Variants in DCC observed in about 807,000 individuals in gnomAD.
DCC encodes DCC netrin 1 receptor.
DCC carries 58 observed loss-of-function variants against 172.5 expected under a neutral mutation model. The ratio of observed to expected loss-of-function variants is 0.34; its 90% CI spans 0.27 to 0.42. The LOEUF (loss-of-function observed/expected upper bound fraction) is 0.42, where lower values mean the gene tolerates loss of function less well. DCC is among the 10% of genes least tolerant of loss of function. The probability of loss-of-function intolerance (pLI) is 1.00; values close to 1 mark genes in which losing one functional copy is unlikely to be tolerated. For missense variants in DCC, 1,740 were observed against 1,791.0 expected (o/e 0.97, Z 0.51); for synonymous variants, 709 against 644.5 (o/e 1.10, Z -1.52).
intron 1 of DCC, among the ~76,000 whole-genome samples, chr18:52,395,880 T>G (rs923463130): frequency 6.6e-6 from 1 of 152,026 alleles, no homozygotes; most frequent in Non-Finnish European, 1.5e-5. Flanking sequence ...GAGCTCAACC[T>G]ATTCCACAAC....
At chr18:52,369,696 G>T (rs1413719179) in intron 1 of DCC, among the ~76,000 whole-genome samples, 1 of 151,860 alleles carries the variant, frequency 6.6e-6, no homozygotes, top group Non-Finnish European at 1.5e-5. Context: ...TGAAATATCA[G>T]CATGGTGTTT....
chr18:53,363,055 A>G (rs1447315028), intron 15 of DCC, among the ~76,000 whole-genome samples: 1 of 152,132 alleles, frequency 6.6e-6, no homozygotes, highest in Non-Finnish European at 1.5e-5. Flanking sequence ...CAATTACTTC[A>G]AGTTAAACTG....
intron 4 of DCC, among the ~76,000 whole-genome samples, chr18:52,924,340 A>G (rs1184232336): frequency 6.6e-6 from 1 of 152,136 alleles, no homozygotes; most frequent in Non-Finnish European, 1.5e-5. Flanking sequence ...ACTGTACTTC[A>G]ATAAAGCTAA....
intron 5 of DCC, among the ~76,000 whole-genome samples, chr18:53,013,359 A>G (rs1599028048): frequency 6.6e-6 from 1 of 152,286 alleles, no homozygotes; most frequent in East Asian, 1.9e-4. Flanking sequence ...ATGGAATACT[A>G]CACAGCCATA....
chr18:52,651,720 A>G (rs1241197762), intron 1 of DCC, among the ~76,000 whole-genome samples: 1 of 152,138 alleles, frequency 6.6e-6, no homozygotes, highest in Non-Finnish European at 1.5e-5. Flanking sequence ...AGCATTCCAC[A>G]AGTGCTTATG....
chr18:53,087,644 T>C (rs2042935096), intron 7 of DCC, among the ~76,000 whole-genome samples: 1 of 152,196 alleles, frequency 6.6e-6, no homozygotes. Context: ...TTGTTGCCAT[T>C]GTTTTTGGTG....
intron 1 of DCC, among the ~76,000 whole-genome samples, chr18:52,570,495 T>TA (rs1250201036): frequency 1.3e-5 from 2 of 152,240 alleles, no homozygotes; most frequent in East Asian, 3.8e-4. Context: ...GAAGATGTAC[T>TA]ATAAATATAT....
At chr18:52,902,388 T>C (rs2039822682) in intron 2 of DCC, among the ~76,000 whole-genome samples, 1 of 152,194 alleles carries the variant, frequency 6.6e-6, no homozygotes, top group Admixed American at 6.5e-5. Context: ...AGACCATTGC[T>C]GCTATCATTA....
chr18:52,558,345 G>A lies in DCC; in HGVS notation c.92-193709G>A, dbSNP rs578003251. 1.1e-3 allele frequency among the ~76,000 whole-genome samples: 170 copies of A among 151,922 alleles called. 1 individual carries two copies. Among genetic ancestry groups the A allele is most frequent in the Middle Eastern group, 0.01 (3 of 294 alleles). On this transcript the variant is annotated intron_variant, in intron 1 of 28. Transcript: ENST00000442544. ...ATAACGCTATATTTAGCAAAGCTTC[G>A]TAGAACCATTAAGAATTTCTCTACA...
At chr18:52,965,924 C>T (rs2040922199) in intron 5 of DCC, among the ~76,000 whole-genome samples, 1 of 152,058 alleles carries the variant, frequency 6.6e-6, no homozygotes, top group South Asian at 2.1e-4. Flanking sequence ...TTCATAAACC[C>T]ATTAATATGA....
chr18:53,099,892 G>A (rs1199665844), intron 7 of DCC, among the ~76,000 whole-genome samples: 1 of 150,808 alleles, frequency 6.6e-6, no homozygotes, highest in African/African-American at 2.4e-5. Context: ...AGAAGTTAGA[G>A]GTATATGAGT....
intron 24 of DCC, among the ~76,000 whole-genome samples, chr18:53,466,270 CT>C (rs1188434428): frequency 6.6e-6 from 1 of 152,030 alleles, no homozygotes; most frequent in Non-Finnish European, 1.5e-5. Context: ...TCCTAGGAAA[CT>C]TTTTTAGTAT....
Position 53,532,640 on chromosome 18 carries a change from C to T in DCC, c.*1987C>T, listed in dbSNP as rs965541336. 1 of 152,118 alleles carries T rather than the reference C, an allele frequency of 6.6e-6. No homozygotes were observed. The highest frequency in any genetic ancestry group is 1.5e-5 in the Non-Finnish European group (1 of 68,014). 9.4% of individuals were successfully genotyped at this position (152,118 alleles called of 1,614,324 possible). The stretch of plus-strand genomic sequence containing the variant: ...GAAAATATTCATTGGGCTAGCCCAA[C>T]CTTCTCTAGGCCCTAAGAATTATTA... On this transcript the variant is annotated 3_prime_UTR_variant, in exon 29 of 29. Transcript: ENST00000442544.
chr18:53,106,382 T>A (rs1302796704), intron 7 of DCC, among the ~76,000 whole-genome samples: 1 of 151,892 alleles, frequency 6.6e-6, no homozygotes, highest in African/African-American at 2.4e-5. Context: ...GGAAGGTATA[T>A]ATGGTGCTTC....
intron 12 of DCC, among the ~76,000 whole-genome samples, chr18:53,242,416 T>C (rs2056309240): frequency 6.6e-6 from 1 of 152,138 alleles, no homozygotes; most frequent in South Asian, 2.1e-4. Flanking sequence ...ATCTGAAACA[T>C]AGTATTTGTT....
chr18:53,514,727 C>T (rs1350618064), intron 27 of DCC, among the ~76,000 whole-genome samples: 1 of 152,124 alleles, frequency 6.6e-6, no homozygotes, highest in African/African-American at 2.4e-5. Flanking sequence ...TCAACACATA[C>T]ACTCTCCCAA....
intron 1 of DCC, among the ~76,000 whole-genome samples, chr18:52,349,181 TC>T (rs150186412): frequency 0.23 from 34,728 of 151,994 alleles, 4,621 homozygotes; most frequent in Non-Finnish European, 0.31. Context: ...TTGTGCACCA[TC>T]CCCCCCAATT....
chr18:53,466,055 C>T (rs57734848), intron 24 of DCC, among the ~76,000 whole-genome samples: 5,090 of 152,254 alleles, frequency 0.033, 299 homozygotes, highest in African/African-American at 0.12. Context: ...TGAGCCACCA[C>T]GCCCAGCCAA....
Position 52,511,545 on chromosome 18 carries a change from T to C in DCC, c.91+170667T>C, listed in dbSNP as rs114078695. On this transcript the variant is annotated intron_variant, in intron 1 of 28. Coordinates refer to ENST00000442544, the MANE Select transcript of DCC (RefSeq NM_005215.4). ...GGCAATTTCTACAGATATTTTTGAA[T>C]GAGGACCTGGGGGGCAGAGGAGTGC... is the stretch of plus-strand genomic sequence containing the variant. Among the ~76,000 whole-genome samples the C allele has an allele frequency of 1.1e-3, 165 of 152,250 alleles. 1 individual carries two copies. Among genetic ancestry groups the C allele is most frequent in the African/African-American group, 3.9e-3 (160 of 41,548 alleles).
Sources: gnomAD v4.1 joint callset for allele counts (sites outside exome capture counted in the v4.1 genomes callset) on GRCh38, gnomAD v4.1.1 for gene constraint, MANE v1.5 for transcripts, NCBI Gene and HGNC (gene_info 2026-07-23, HGNC 2026-07-21) for gene names.